The following BLTP1 variants were observed in gnomAD, a reference collection of about 807,000 sequenced individuals.
BLTP1 encodes the protein fragile site-associated protein.
At chr4:122,267,050 AAT>A in the BLTP1 span, 1 of 261,252 alleles carries the variant, frequency 3.8e-6, no homozygotes, top group South Asian at 5.0e-5. Flanking sequence ...ATAAGGAAGT[AAT>A]TTTTTTTTTT....
At chr4:122,270,438 T>C in the BLTP1 span, 1 of 674,390 alleles carries the variant, frequency 1.5e-6, no homozygotes, top group African/African-American at 2.0e-5. Flanking sequence ...TATATTAAAA[T>C]TTACTATAAT....
the BLTP1 span, chr4:122,183,527 A>G: frequency 1.0e-6 from 1 of 985,094 alleles, no homozygotes. Context: ...AATATTTATG[A>G]TAAGAATTTC....
the BLTP1 span, among the ~76,000 whole-genome samples, chr4:122,172,632 A>T: frequency 0.064 from 9,755 of 152,182 alleles, 882 homozygotes; most frequent in African/African-American, 0.2. Flanking sequence ...AAAAATCATT[A>T]CTTTTCTTCC....
chr4:122,165,305 G>A, the BLTP1 span, among the ~76,000 whole-genome samples: 1 of 151,702 alleles, frequency 6.6e-6, no homozygotes, highest in Non-Finnish European at 1.5e-5. Context: ...TCCCACCTAT[G>A]AGTGAGAACA....
chr4:122,350,522 C>G, the BLTP1 span: 1 of 284,256 alleles, frequency 3.5e-6, no homozygotes, highest in Non-Finnish European at 5.3e-6. Flanking sequence ...AGAATCACTA[C>G]CCTCATGAAG....
chr4:122,269,769 G>T, the BLTP1 span: 1 of 764,078 alleles, frequency 1.3e-6, no homozygotes, highest in Non-Finnish European at 1.6e-6. Context: ...ATTGAGTCTG[G>T]CATGTAGTAA....
chr4:122,178,766 G>A, the BLTP1 span, among the ~76,000 whole-genome samples: 1 of 151,954 alleles, frequency 6.6e-6, no homozygotes, highest in Non-Finnish European at 1.5e-5. Flanking sequence ...TTCTGCATTA[G>A]TGCATAATTT....
the BLTP1 span, among the ~76,000 whole-genome samples, chr4:122,334,046 C>A: frequency 6.6e-6 from 1 of 152,114 alleles, no homozygotes; most frequent in South Asian, 2.1e-4. Context: ...AATTGATATT[C>A]GTAACAAACT....
At chr4:122,251,372 A>T in the BLTP1 span, 2 of 950,812 alleles carry the variant, frequency 2.1e-6, no homozygotes, top group Non-Finnish European at 2.5e-6. Context: ...TTAATTAGGA[A>T]GTCTAGTATG....
the BLTP1 span, chr4:122,255,049 A>T: frequency 1.4e-5 from 21 of 1,504,656 alleles, no homozygotes; most frequent in South Asian, 2.4e-4. Flanking sequence ...CAGATTTACA[A>T]GTTCTTAATT....
At chr4:122,287,780 A>T in the BLTP1 span, 1 of 830,428 alleles carries the variant, frequency 1.2e-6, no homozygotes, top group African/African-American at 1.8e-5. Flanking sequence ...AAACAAGTGT[A>T]CGAAAAAATA....
chr4:122,281,516 A>ATTT, the BLTP1 span: 1 of 1,407,040 alleles, frequency 7.1e-7, no homozygotes, highest in Non-Finnish European at 9.5e-7. Flanking sequence ...TTTTTTAATT[A>ATTT]TTTTTTTTTT....
chr4:122,258,940 T>C, the BLTP1 span: 1 of 645,276 alleles, frequency 1.5e-6, no homozygotes, highest in Non-Finnish European at 2.6e-6. Context: ...ACCCTAAATA[T>C]TCAGATAGCA....
the BLTP1 span, chr4:122,324,635 CAAAAA>C: frequency 4.3e-6 from 4 of 930,112 alleles, no homozygotes; most frequent in Non-Finnish European, 6.1e-6. Context: ...ATTAAGATAA[CAAAAA>C]TTAATTTTAT....
At chr4:122,298,602 T>C in the BLTP1 span, 1 of 773,512 alleles carries the variant, frequency 1.3e-6, no homozygotes, top group Non-Finnish European at 1.6e-6. Flanking sequence ...AACTAGGTGA[T>C]AAGCAAATTA....
At chr4:122,238,115 A>C in the BLTP1 span, 2 of 1,614,020 alleles carry the variant, frequency 1.2e-6, no homozygotes, top group Admixed American at 3.3e-5. Context: ...CATGAAGAGG[A>C]AAGAATGGGA....
the BLTP1 span, chr4:122,246,298 G>T: frequency 6.4e-7 from 1 of 1,565,348 alleles, no homozygotes; most frequent in South Asian, 1.2e-5. Context: ...GCATACCAAA[G>T]GTAACAATTT....
chr4:122,301,081 G>A, the BLTP1 span: 1 of 863,148 alleles, frequency 1.2e-6, no homozygotes, highest in Non-Finnish European at 1.4e-6. Flanking sequence ...TATATACAGT[G>A]TTTTAATTGA....
the BLTP1 span, chr4:122,232,157 G>A: frequency 1.0e-6 from 1 of 977,360 alleles, no homozygotes; most frequent in Admixed American, 6.2e-5. Flanking sequence ...ATTGTGAAGA[G>A]TCTGGGGTTT....
Sources: gnomAD v4.1 joint callset for allele counts (sites outside exome capture counted in the v4.1 genomes callset) on GRCh38, gnomAD v4.1.1 for gene constraint, MANE v1.5 for transcripts, NCBI Gene and HGNC (gene_info 2026-07-23, HGNC 2026-07-21) for gene names.